The following TGM4 variants were observed in gnomAD, a reference collection of about 807,000 sequenced individuals.
TGM4 encodes protein-glutamine gamma-glutamyltransferase 4.
Under a neutral mutation model 76.3 loss-of-function variants are expected in TGM4, and 61 were observed. The observed-to-expected ratio is 0.80, with a 90% CI of 0.65 to 0.99. The LOEUF (loss-of-function observed/expected upper bound fraction) is 0.99. Ranked by LOEUF, TGM4 falls within the 50% of genes least tolerant of loss-of-function variation. The pLI, the probability that TGM4 is intolerant of heterozygous loss-of-function variation, is 0.00. For synonymous variants in TGM4, 337 were observed against 329.8 expected, an observed-to-expected ratio of 1.02 and a Z score of -0.24; for missense variants, 794 against 843.2, an observed-to-expected ratio of 0.94 and a Z score of 0.72.
intron 1 of TGM4, among the ~76,000 whole-genome samples, chr3:44,884,461 C>A (rs554261065): frequency 6.6e-6 from 1 of 152,234 alleles, no homozygotes; most frequent in Non-Finnish European, 1.5e-5. Flanking sequence ...ATGTACTTTT[C>A]ACTTTAGCAT....
intron 3 of TGM4, 98 bp from the exon 4 acceptor site, chr3:44,890,505 T>G: frequency 1.7e-4 from 262 of 1,511,788 alleles, no homozygotes; most frequent in East Asian, 5.0e-4. Context: ...CCAGATGGGA[T>G]GAGTTGTTAG....
intron 1 of TGM4, among the ~76,000 whole-genome samples, chr3:44,879,165 G>C (rs2125746278): frequency 6.7e-6 from 1 of 149,604 alleles, no homozygotes; most frequent in East Asian, 2.0e-4. Flanking sequence ...TCTTAATAGT[G>C]GCTTATTCCT....
intron 1 of TGM4, among the ~76,000 whole-genome samples, chr3:44,884,499 G>T (rs1240158133): frequency 6.6e-6 from 1 of 151,660 alleles, no homozygotes; most frequent in African/African-American, 2.4e-5. Context: ...TGTTTTTTTT[G>T]GGGGGGATGG....
At chr3:44,893,130 A>G (rs1575718042) in intron 4 of TGM4, among the ~76,000 whole-genome samples, 1 of 152,244 alleles carries the variant, frequency 6.6e-6, no homozygotes, top group East Asian at 1.9e-4. Context: ...CCACCCCTAG[A>G]TTTAGCATCC....
At chr3:44,905,432 CA>C (rs1461495290) in intron 9 of TGM4, among the ~76,000 whole-genome samples, 1 of 152,214 alleles carries the variant, frequency 6.6e-6, no homozygotes, top group Non-Finnish European at 1.5e-5. Flanking sequence ...CTCACTCCTG[CA>C]GCCCCTGAAG....
At chr3:44,889,695 C>T (rs1699662480) in intron 3 of TGM4, among the ~76,000 whole-genome samples, 1 of 152,132 alleles carries the variant, frequency 6.6e-6, no homozygotes, top group Non-Finnish European at 1.5e-5. Context: ...ATTATCTCTC[C>T]AGCTATTATT....
rs768651448 is a variant in TGM4, at chr3:44,890,668, T to A, written c.366T>A (p.Thr122=). The A allele has an allele frequency of 1.2e-6, 2 of 1,614,206 alleles. No homozygotes were observed. Among genetic ancestry groups the A allele is most frequent in the Non-Finnish European group, 1.7e-6 (2 of 1,180,044 alleles). The change falls in exon 4 of 14, where the codon ACT becomes ACA. Residue 122 remains threonine (T), a synonymous_variant. Transcript: ENST00000296125. ...GCAAGTACCAACTAAACGTGAAAAC[T>A]GGAAACCACATCCTTAAGTCTGAAG... ...ILGKYQLNVK[T]GNHILKSEEN...
intron 4 of TGM4, among the ~76,000 whole-genome samples, chr3:44,893,366 TC>T (rs768891289): frequency 6.6e-6 from 1 of 152,174 alleles, no homozygotes; most frequent in Non-Finnish European, 1.5e-5. Flanking sequence ...CTTAAATTGC[TC>T]CAGATTTTCC....
At position 44,911,314 on chromosome 3, in the gene TGM4, T is replaced by C. The variant is rs1284639841; in HGVS notation, c.1821T>C (p.Cys607=). 2 of 1,614,270 alleles carry C rather than the reference T, an allele frequency of 1.2e-6. No homozygotes were observed. The highest frequency in any genetic ancestry group is 3.3e-5 in the Admixed American group (2 of 60,034). Reference sequence around the variant, plus strand: ...TTGGCCAGCTACTTGTCTGCAATTGTATCTTCAAGAATACCCTGGCCATCC... The same window carrying C: ...TTGGCCAGCTACTTGTCTGCAATTGCATCTTCAAGAATACCCTGGCCATCC... The part of the protein sequence containing the change: ...GRIGQLLVCN[C]IFKNTLAIPL... The change falls in exon 13 of 14, where the codon TGT becomes TGC. Residue 607 remains cysteine (C), a synonymous_variant. Coordinates refer to ENST00000296125, the MANE Select transcript of TGM4 (RefSeq NM_003241.4).
intron 1 of TGM4, among the ~76,000 whole-genome samples, chr3:44,883,197 C>A (rs1409633477): frequency 6.6e-6 from 1 of 152,176 alleles, no homozygotes; most frequent in African/African-American, 2.4e-5. Context: ...AATGAAGAAG[C>A]CTTTCAGGAT....
chr3:44,887,671 T>C lies in TGM4; in HGVS notation c.194-18T>C. On this transcript the variant is annotated intron_variant, in intron 2 of 13. Transcript: ENST00000296125. ...GTGGCCCATGGCTGGGCCAATGTTTTCCTTTGGGTGTCTCCAGGGCCGAAT... is the reference window on the plus strand; with the variant it reads ...GTGGCCCATGGCTGGGCCAATGTTTCCCTTTGGGTGTCTCCAGGGCCGAAT... The C allele has an allele frequency of 6.2e-7, 1 of 1,612,120 alleles. No homozygotes were observed. Among genetic ancestry groups the C allele is most frequent in the Non-Finnish European group, 8.5e-7 (1 of 1,178,842 alleles).
chr3:44,910,844 A>C, intron 11 of TGM4, 114 bp from the exon 12 acceptor site: 1 of 1,233,730 alleles, frequency 8.1e-7, no homozygotes, highest in East Asian at 2.4e-5. Context: ...GACATGTCCA[A>C]AGTTATCCAG....
chr3:44,913,828 C>T lies in TGM4; in HGVS notation c.*103C>T. The T allele has an allele frequency of 2.0e-6, 3 of 1,481,358 alleles. No individual in the cohort carries two copies. Among genetic ancestry groups the T allele is most frequent in the Non-Finnish European group, 2.7e-6 (3 of 1,106,188 alleles). 91.8% of individuals were successfully genotyped at this position (1,481,358 alleles called of 1,614,324 possible). A position where few individuals can be genotyped will look rare whatever the true frequency, so the allele number is the denominator to read the frequency against. ...TTAAATTTGATGACTTATATGAGGG[C>T]AGATTCAAGAGCCAGCAGGTCAAAA... On this transcript the variant is annotated 3_prime_UTR_variant, in exon 14 of 14. Transcript: ENST00000296125.
rs765392735 is a variant in TGM4, at chr3:44,903,998, G to A, written c.1075+11G>A. On this transcript the variant is annotated intron_variant, in intron 9 of 13. Transcript: ENST00000296125. ...AGGAGCGAAGCCAGGGTGAGTGGGTGGCAGGAAGGCGCTGGGCATCCATGC... is the reference window on the plus strand; with the variant it reads ...AGGAGCGAAGCCAGGGTGAGTGGGTAGCAGGAAGGCGCTGGGCATCCATGC... The A allele has an allele frequency of 1.9e-6, 3 of 1,611,494 alleles. No individual in the cohort carries two copies. Among genetic ancestry groups the A allele is most frequent in the East Asian group, 4.5e-5 (2 of 44,862 alleles).
chr3:44,905,507 A>T (rs1465373013), intron 9 of TGM4, among the ~76,000 whole-genome samples: 4 of 152,216 alleles, frequency 2.6e-5, no homozygotes, highest in African/African-American at 9.6e-5. Flanking sequence ...CATCCCAAGG[A>T]TAGCAAATTC....
intron 6 of TGM4, among the ~76,000 whole-genome samples, chr3:44,898,479 G>A (rs1249480685): frequency 6.6e-6 from 1 of 152,132 alleles, no homozygotes; most frequent in African/African-American, 2.4e-5. Context: ...ATTACCTTGG[G>A]ATTATTATGC....
intron 1 of TGM4, among the ~76,000 whole-genome samples, chr3:44,884,229 A>G (rs1314169242): frequency 1.3e-5 from 2 of 152,214 alleles, no homozygotes; most frequent in African/African-American, 2.4e-5. Context: ...GGGGGAGAAC[A>G]TAAGTAGTTT....
chr3:44,879,542 G>C (rs1376534459), intron 1 of TGM4, among the ~76,000 whole-genome samples: 1 of 148,314 alleles, frequency 6.7e-6, no homozygotes, highest in Non-Finnish European at 1.5e-5. Flanking sequence ...GCGCAATCTC[G>C]GCTCACTGCA....
chr3:44,882,501 C>T (rs1329636330), intron 1 of TGM4, among the ~76,000 whole-genome samples: 1 of 152,200 alleles, frequency 6.6e-6, no homozygotes, highest in Non-Finnish European at 1.5e-5. Context: ...TCCGCAGGGT[C>T]CTGCTCTTGC....
Sources: allele counts gnomAD v4.1 joint callset (sites outside exome capture counted in the v4.1 genomes callset), GRCh38; gene constraint gnomAD v4.1.1; transcripts MANE v1.5; gene names NCBI Gene and HGNC (gene_info 2026-07-23, HGNC 2026-07-21).